KDM4C: variants seen among roughly 807,000 people sequenced by gnomAD.
KDM4C encodes lysine demethylase 4C, also known as lysine-specific demethylase 4C.
A neutral mutation model predicts 129.3 loss-of-function variants in KDM4C; 81 were observed. The ratio of observed to expected loss-of-function variants is 0.63; its 90% confidence interval spans 0.52 to 0.75. KDM4C has a LOEUF of 0.75. Among genes scored for constraint, KDM4C ranks in the 30% least tolerant of loss-of-function variants. The probability of loss-of-function intolerance (pLI) is 0.00; values close to 1 mark genes in which losing one functional copy is unlikely to be tolerated. For synonymous variants in KDM4C, 573 were observed against 456.1 expected, an observed-to-expected ratio of 1.26 and a Z score of -3.26; for missense variants, 1,457 against 1,304.0, an observed-to-expected ratio of 1.12 and a Z score of -1.81.
Position 6,912,890 on chromosome 9 carries a change from A to G in KDM4C, c.921+19658A>G, listed in dbSNP as rs1036694868. 2.0e-5 allele frequency among the ~76,000 whole-genome samples: 3 copies of G among 151,850 alleles called. No homozygotes were observed. The East Asian group carries it at 5.8e-4, about 29-fold the overall frequency. ...AAGGAAAAGAATATTTTTTTTCACT[A>G]TTTCTATTGTTGATATTTCAAGAAT... On this transcript the variant is annotated intron_variant, in intron 8 of 21. Coordinates refer to ENST00000381309, the MANE Select transcript of KDM4C (RefSeq NM_015061.6).
At chr9:6,752,037 A>G (rs1356036454) in intron 1 of KDM4C, among the ~76,000 whole-genome samples, 1 of 152,092 alleles carries the variant, frequency 6.6e-6, no homozygotes, top group African/African-American at 2.4e-5. Context: ...TCCTGAGTTA[A>G]AAATTAAGGA....
chr9:6,831,156 T>C (rs905900973), intron 4 of KDM4C, among the ~76,000 whole-genome samples: 1 of 152,180 alleles, frequency 6.6e-6, no homozygotes, highest in African/African-American at 2.4e-5. Context: ...TCTGTGGATT[T>C]TACTATCGAA....
intron 19 of KDM4C, among the ~76,000 whole-genome samples, chr9:7,161,363 T>A (rs1476856206): frequency 6.6e-6 from 1 of 152,142 alleles, no homozygotes; most frequent in Non-Finnish European, 1.5e-5. Context: ...CCCAATGAGA[T>A]GAACCAGGTA....
At chr9:7,048,999 G>A in intron 16 of KDM4C, 93 bp from the exon 17 acceptor site, 2 of 791,996 alleles carry the variant, frequency 2.5e-6, no homozygotes, top group Non-Finnish European at 4.3e-6. Context: ...TTGCTCATCT[G>A]TGTATTTCCC....
intron 1 of KDM4C, among the ~76,000 whole-genome samples, chr9:6,750,124 T>A (rs1482742942): frequency 6.6e-6 from 1 of 151,654 alleles, no homozygotes; most frequent in Non-Finnish European, 1.5e-5. Flanking sequence ...GAACAAGAAT[T>A]TAGAAAATTT....
chr9:6,881,887 G>A (rs527393465), intron 6 of KDM4C, among the ~76,000 whole-genome samples: 129 of 152,322 alleles, frequency 8.5e-4, no homozygotes, highest in South Asian at 2.7e-3. Flanking sequence ...AATGCAGTGC[G>A]AATGATGGAG....
At chr9:7,020,912 C>CG (rs1260451672) in intron 15 of KDM4C, among the ~76,000 whole-genome samples, 1 of 91,902 alleles carries the variant, frequency 1.1e-5, no homozygotes, top group African/African-American at 5.7e-5. Context: ...TATTCATTTT[C>CG]CTTTTTTTTT....
At chr9:7,170,918 TAA>T (rs59497112) in intron 21 of KDM4C, 78,021 of 116,800 alleles carry the variant, frequency 0.67, 24,495 homozygotes, top group Middle Eastern at 0.8. Flanking sequence ...GATGAGCTAC[TAA>T]AAAAAAAAAA....
chr9:6,748,071 C>T (rs895663701), intron 1 of KDM4C, among the ~76,000 whole-genome samples: 2 of 151,840 alleles, frequency 1.3e-5, no homozygotes, highest in Admixed American at 6.6e-5. Context: ...GAGGCTGAGG[C>T]AGGGGAATCA....
At chr9:6,860,549 A>G (rs990425761) in intron 5 of KDM4C, among the ~76,000 whole-genome samples, 31 of 152,166 alleles carry the variant, frequency 2.0e-4, no homozygotes, top group African/African-American at 7.5e-4. Flanking sequence ...TATCCCTACA[A>G]CCAACCCCCA....
intron 8 of KDM4C, among the ~76,000 whole-genome samples, chr9:6,938,848 CTAA>C (rs139919676): frequency 0.26 from 38,701 of 151,692 alleles, 5,358 homozygotes; most frequent in South Asian, 0.39. Context: ...TTCAGATACA[CTAA>C]TAATAAAATA....
At chr9:6,804,295 T>C (rs1248419895) in intron 2 of KDM4C, among the ~76,000 whole-genome samples, 1 of 152,208 alleles carries the variant, frequency 6.6e-6, no homozygotes, top group Non-Finnish European at 1.5e-5. Context: ...CAGCTGCTTA[T>C]GTAGTGATGT....
chr9:7,094,372 G>C (rs1414815839), intron 17 of KDM4C, among the ~76,000 whole-genome samples: 1 of 151,976 alleles, frequency 6.6e-6, no homozygotes, highest in African/African-American at 2.4e-5. Context: ...TATACTTTAA[G>C]TTTTAGGGTA....
intron 17 of KDM4C, among the ~76,000 whole-genome samples, chr9:7,059,693 A>G (rs1193090001): frequency 6.6e-6 from 1 of 152,222 alleles, no homozygotes; most frequent in Admixed American, 6.5e-5. Flanking sequence ...CAACAGACCA[A>G]ATGCTAAAGC....
chr9:6,906,248 A>T (rs1818284981), intron 8 of KDM4C, among the ~76,000 whole-genome samples: 1 of 152,100 alleles, frequency 6.6e-6, no homozygotes, highest in African/African-American at 2.4e-5. Context: ...ATGATTGCAG[A>T]TGGTGTCAGA....
chr9:6,924,442 G>C (rs1822104142), intron 8 of KDM4C, among the ~76,000 whole-genome samples: 1 of 152,172 alleles, frequency 6.6e-6, no homozygotes, highest in Non-Finnish European at 1.5e-5. Context: ...GAGGGCCCAG[G>C]GCTGCAGCGC....
rs534737396 is a variant in KDM4C at position 6,832,599 on chromosome 9, G to A, written c.436-16908G>A. ...CGCCACCATGCCCAGCTAATTTTTT[G>A]TATTTTTAGTAGAGATGGGGTTTCA... On this transcript the variant is annotated intron_variant, in intron 4 of 21. Transcript: ENST00000381309. Among the ~76,000 whole-genome samples, 326 of 148,910 alleles carry A rather than the reference G, an allele frequency of 2.2e-3. 2 individuals are homozygous for A. Among genetic ancestry groups the A allele is most frequent in the Non-Finnish European group, 3.6e-3 (245 of 67,274 alleles).
In KDM4C at chr9:6,758,271, C is replaced by A; in HGVS notation, c.-18+68C>A. 1 of 910,514 alleles carries A rather than the reference C, an allele frequency of 1.1e-6. No individual in the cohort carries two copies. Among genetic ancestry groups the A allele is most frequent in the Non-Finnish European group, 1.3e-6 (1 of 761,694 alleles). 56.4% of individuals were successfully genotyped at this position (910,514 alleles called of 1,614,324 possible). On this transcript the variant is annotated intron_variant, in intron 1 of 21. Transcript: ENST00000381309. This position sits in a 1 kb window ranked among gnomAD's most constrained non-coding sequence, Gnocchi z 4.6. ...GTCCGGAGAGGTCTTCCCGGCACTG[C>A]CCCCCTCCGCGTGGGGCACGGGGGT...
chr9:6,720,897 T>C (rs1219964265), exon 1 of KDM4C: 13 of 1,495,652 alleles, frequency 8.7e-6, no homozygotes, highest in African/African-American at 2.8e-5. Context: ...CTGAAAGTTG[T>C]TGAATAGTTG....
Sources: allele counts gnomAD v4.1 joint callset (sites outside exome capture counted in the v4.1 genomes callset), GRCh38; gene constraint gnomAD v4.1.1; non-coding constraint Gnocchi (gnomAD v3.1); transcripts MANE v1.5; gene names NCBI Gene and HGNC (gene_info 2026-07-23, HGNC 2026-07-21).